The following IL18BP variants were observed in gnomAD, a reference collection of about 807,000 sequenced individuals.
The protein encoded by IL18BP is interleukin-18-binding protein.
IL18BP carries 23 observed loss-of-function variants against 19.9 expected under a neutral mutation model. The ratio of observed to expected loss-of-function variants is 1.15; its 90% CI spans 0.83 to 1.64. The LOEUF (loss-of-function observed/expected upper bound fraction) is 1.64, where lower values mean the gene tolerates loss of function less well. Ranked by LOEUF, IL18BP falls within the 40% of genes most tolerant of loss-of-function variation. The pLI is 0.00. For synonymous variants in IL18BP, 107 were observed against 101.0 expected, an observed-to-expected ratio of 1.06 and a Z score of -0.35; for missense variants, 239 against 240.7, an observed-to-expected ratio of 0.99 and a Z score of 0.05.
chr11:72,001,222 G>T lies in IL18BP; in HGVS notation c.257G>T (p.Cys86Phe). The T allele has an allele frequency of 1.2e-6, 2 of 1,614,204 alleles. No homozygotes were observed. The highest frequency in any genetic ancestry group is 1.7e-6 in the Non-Finnish European group (2 of 1,180,036). Reference protein sequence around the residue: ...VPLNGTLSLSCVACSRFPNFS... With the variant: ...VPLNGTLSLSFVACSRFPNFS... ...CTAGATGGAACGCTGAGCTTATCCT[G>T]TGTGGCCTGCAGCCGCTTCCCCAAC... Residue 86 changes from cysteine (C) to phenylalanine (F), a missense_variant, in exon 4 of 6, where the codon TGT becomes TTT. Cys to Phe is a radical substitution (Grantham distance 205). Transcript: ENST00000393703.
rs1201105153 is a variant in IL18BP, at chr11:72,001,903, C to T, written c.*42C>T. 12 of 1,613,118 alleles carry T rather than the reference C, an allele frequency of 7.4e-6. No homozygotes were observed. The highest frequency in any genetic ancestry group is 3.3e-4 in the Middle Eastern group (2 of 6,052). Reference sequence around the variant, plus strand: ...AGCAGCAGCACAACCTTGACCAGAGCTTGGGTCCTACCTGTCTACCTGGAG... The same window carrying T: ...AGCAGCAGCACAACCTTGACCAGAGTTTGGGTCCTACCTGTCTACCTGGAG... On this transcript the variant is annotated 3_prime_UTR_variant, in exon 6 of 6. Transcript: ENST00000393703.
chr11:72,001,106 T>C (rs947318474), intron 3 of IL18BP, 95 bp from the exon 4 acceptor site: 6 of 1,489,934 alleles, frequency 4.0e-6, no homozygotes, highest in Non-Finnish European at 5.5e-6. Flanking sequence ...TCCAGATGCA[T>C]GGGGACTGGG....
chr11:72,000,113 C>CT (rs1955133098), intron 2 of IL18BP, 101 bp downstream of exon 2: 1 of 1,271,276 alleles, frequency 7.9e-7, no homozygotes, highest in South Asian at 1.3e-5. Flanking sequence ...AGGCAAACCA[C>CT]CCAGCGCACC....
chr11:72,005,142 T>TC (rs1381703083), downstream of IL18BP: 1 of 1,384,852 alleles, frequency 7.2e-7, no homozygotes, highest in Admixed American at 2.5e-5. Flanking sequence ...CAGTCAGTGA[T>TC]CCAGGGCCCT....
At chr11:72,000,109 A>T (rs5743665) in intron 2 of IL18BP, 97 bp downstream of exon 2, 2 of 1,343,712 alleles carry the variant, frequency 1.5e-6, no homozygotes, top group Admixed American at 1.9e-5. Flanking sequence ...TCCAAGGCAA[A>T]CCACCCAGCG....
downstream of IL18BP, chr11:72,005,818 G>A (rs370341988): frequency 4.9e-5 from 28 of 569,394 alleles, no homozygotes; most frequent in African/African-American, 1.1e-4. Context: ...TGGGAATCCC[G>A]GGCCCTTAAC....
At position 72,001,276 on chromosome 11, in the gene IL18BP, G is replaced by A. The variant is rs1401175176; in HGVS notation, c.311G>A (p.Gly104Asp). 2.5e-6 allele frequency: 4 copies of A among 1,614,224 alleles called. No homozygotes were observed. The South Asian group carries it at 3.3e-5, about 13-fold the overall frequency. ...NFSILYWLGNGSFIEHLPGRL... is the reference protein window; with the variant it reads ...NFSILYWLGNDSFIEHLPGRL... ...AGCATCCTCTACTGGCTGGGCAATG[G>A]TTCCTTCATTGAGCACCTCCCAGGC... The change falls in exon 4 of 6, where the codon GGT (glycine) becomes GAT (aspartate). Residue 104 changes from glycine (G) to aspartate (D), a missense_variant. Gly to Asp is a moderately conservative substitution (Grantham distance 94). Coordinates refer to ENST00000393703, the MANE Select transcript of IL18BP (RefSeq NM_001039660.2).
chr11:72,007,533 C>G, downstream of IL18BP: 3 of 1,433,282 alleles, frequency 2.1e-6, no homozygotes, highest in South Asian at 3.7e-5. Context: ...TTACTACAAG[C>G]AGATGAGGTC....
chr11:72,003,558 A>G (rs558791373), downstream of IL18BP: 33 of 1,614,122 alleles, frequency 2.0e-5, no homozygotes, highest in East Asian at 8.9e-5. Flanking sequence ...ACACAGTCAC[A>G]TGGCCAGATG....
chr11:72,004,894 T>G (rs1489460863), downstream of IL18BP: 4 of 1,366,748 alleles, frequency 2.9e-6, no homozygotes, highest in South Asian at 4.3e-5. Context: ...CCCAGAACTC[T>G]ACACTCGCCC....
chr11:72,000,202 A>G, intron 2 of IL18BP, 149 bp from the exon 3 acceptor site: 1 of 865,766 alleles, frequency 1.2e-6, no homozygotes, highest in Non-Finnish European at 1.9e-6. Flanking sequence ...TCTGTTCAAT[A>G]AAGGGCTAAG....
rs1590833613 is a variant in IL18BP, at chr11:72,001,499, C to A, written c.454C>A (p.Leu152Ile). The change falls in exon 5 of 6, where the codon CTC becomes ATC. Residue 152 changes from leucine (L) to isoleucine (I), a missense_variant. Leu to Ile is a conservative substitution (Grantham distance 5). Coordinates refer to ENST00000393703, the MANE Select transcript of IL18BP (RefSeq NM_001039660.2). The stretch of plus-strand genomic sequence containing the variant: ...GCACAGCACCAACTTCTCCTGTGTG[C>A]TCGTGGACCCTGAACAGGTTGTCCA... ...ALHSTNFSCV[L>I]VDPEQVVQRH... The A allele has an allele frequency of 6.2e-7, 1 of 1,613,878 alleles. No individual in the cohort carries two copies. The highest frequency in any genetic ancestry group is 1.3e-5 in the African/African-American group (1 of 74,934).
At position 72,002,369 on chromosome 11, in the gene IL18BP, G is replaced by A. The variant is rs55992367; in HGVS notation, c.*508G>A. On this transcript the variant is annotated 3_prime_UTR_variant, in exon 6 of 6. Transcript: ENST00000393703. ...AAGTCATCCTCTTTCAGCTCTGGCC[G>A]CATTCTGCAGACTTCCTATCTTCGT... 8,125 of 163,366 alleles carry A rather than the reference G, an allele frequency of 0.05. 271 individuals carry two copies. The highest frequency in any genetic ancestry group is 0.097 in the African/African-American group (4,034 of 41,542). The allele number at this position is 163,366 out of a possible 1,614,324, so 10.1% of individuals were successfully genotyped here. A position where few individuals can be genotyped will look rare whatever the true frequency, so the allele number is the denominator to read the frequency against.
chr11:72,004,292 C>A, downstream of IL18BP: 2 of 1,613,476 alleles, frequency 1.2e-6, no homozygotes, highest in Non-Finnish European at 1.7e-6. Flanking sequence ...CCCTTCATGT[C>A]GGTCTCGGGG....
intron 2 of IL18BP, 37 bp from the exon 3 acceptor site, chr11:72,000,314 C>G (rs374936908): frequency 2.6e-5 from 41 of 1,582,614 alleles, no homozygotes; most frequent in Non-Finnish European, 3.5e-5. Context: ...CCCACTCTGT[C>G]TCCAGAGCCG....
chr11:72,000,000 A>C lies in IL18BP; in HGVS notation c.16A>C (p.Asn6His), dbSNP rs765473039. 5 of 1,613,942 alleles carry C rather than the reference A, an allele frequency of 3.1e-6. No individual in the cohort carries two copies. The highest frequency in any genetic ancestry group is 4.2e-6 in the Non-Finnish European group (5 of 1,179,832). Reference sequence around the variant, plus strand: ...CGCATGCATCATGACCATGAGACACAACTGGACACCAGGTAGGCCTTGGGG... The same window carrying C: ...CGCATGCATCATGACCATGAGACACCACTGGACACCAGGTAGGCCTTGGGG... The part of the protein sequence containing the change: MTMRH[N>H]WTPDLSPLWV... The change falls in exon 2 of 6, where the codon AAC (asparagine) becomes CAC (histidine). Residue 6 changes from asparagine (N) to histidine (H), a missense_variant. Coordinates refer to ENST00000393703, the MANE Select transcript of IL18BP (RefSeq NM_001039660.2).
At chr11:72,006,956 A>G (rs530780358), downstream of IL18BP, among the ~76,000 whole-genome samples, 1 of 152,332 alleles carries the variant, frequency 6.6e-6, no homozygotes, top group South Asian at 2.1e-4. Flanking sequence ...AGTGCTACGC[A>G]TGGAGAGAAT....
downstream of IL18BP, chr11:72,004,046 T>A: frequency 2.5e-6 from 4 of 1,613,652 alleles, no homozygotes; most frequent in Non-Finnish European, 3.4e-6. Flanking sequence ...GGCTGTTCCC[T>A]AGCTTCTTGG....
At chr11:72,001,665 C>T (rs747182006) in intron 5 of IL18BP, 113 bp downstream of exon 5, 4 of 1,605,234 alleles carry the variant, frequency 2.5e-6, no homozygotes, top group South Asian at 1.1e-5. Flanking sequence ...CAGCATTCCT[C>T]AAGGTCAGCC....
Sources: allele counts gnomAD v4.1 joint callset (sites outside exome capture counted in the v4.1 genomes callset), GRCh38; gene constraint gnomAD v4.1.1; transcripts MANE v1.5; gene names NCBI Gene and HGNC (gene_info 2026-07-23, HGNC 2026-07-21).